The following DDAH1 variants were observed in gnomAD, a reference collection of about 807,000 sequenced individuals.
DDAH1 encodes N(G),N(G)-dimethylarginine dimethylaminohydrolase 1.
In DDAH1, 19 loss-of-function variants were observed where a neutral mutation model predicts 28.8. The ratio of observed to expected loss-of-function variants is 0.66; its 90% confidence interval spans 0.46 to 0.97. The LOEUF (loss-of-function observed/expected upper bound fraction) is 0.97. Among genes scored for constraint, DDAH1 ranks in the 50% least tolerant of loss-of-function variants. DDAH1 has a pLI of 0.00. For missense variants in DDAH1, 326 were observed against 375.9 expected (o/e 0.87, Z 1.10); for synonymous variants, 153 against 154.4 (o/e 0.99, Z 0.07).
intron 1 of DDAH1, among the ~76,000 whole-genome samples, chr1:85,444,418 C>A (rs1654339763): frequency 6.6e-6 from 1 of 152,120 alleles, no homozygotes; most frequent in African/African-American, 2.4e-5. Flanking sequence ...TTTGGTTTGC[C>A]AGTATTTTAT....
At chr1:85,477,366 G>T (rs756370150) in intron 2 of DDAH1, among the ~76,000 whole-genome samples, 1 of 152,052 alleles carries the variant, frequency 6.6e-6, no homozygotes, top group Non-Finnish European at 1.5e-5. Flanking sequence ...ATATGCATCC[G>T]CCCTCAGGCC....
intron 1 of DDAH1, among the ~76,000 whole-genome samples, chr1:85,395,528 T>A (rs941517266): frequency 2.6e-4 from 40 of 152,052 alleles, no homozygotes; most frequent in African/African-American, 9.6e-4. Context: ...CAAAATCAGC[T>A]GGGCGTGGTG....
chr1:85,322,751 G>A (rs1661405390), intron 5 of DDAH1, among the ~76,000 whole-genome samples: 1 of 152,146 alleles, frequency 6.6e-6, no homozygotes, highest in South Asian at 2.1e-4. Context: ...CCTGGCACCG[G>A]GGAAGCCCTC....
intron 1 of DDAH1, among the ~76,000 whole-genome samples, chr1:85,382,024 C>T (rs1275085886): frequency 6.6e-6 from 1 of 152,070 alleles, no homozygotes; most frequent in East Asian, 1.9e-4. Context: ...TCCAAGTGTT[C>T]AAGTGAAAGG....
At chr1:85,329,555 T>G (rs985177305) in intron 4 of DDAH1, among the ~76,000 whole-genome samples, 1 of 152,204 alleles carries the variant, frequency 6.6e-6, no homozygotes, top group Non-Finnish European at 1.5e-5. Flanking sequence ...ACAGTTTCAA[T>G]TTTTCATTAC....
chr1:85,437,396 T>A (rs951542467), intron 1 of DDAH1, among the ~76,000 whole-genome samples: 3 of 152,214 alleles, frequency 2.0e-5, no homozygotes, highest in African/African-American at 7.2e-5. Flanking sequence ...GATCTTCTTC[T>A]GCTTCTGCCA....
chr1:85,563,200 T>C (rs769092259), intron 1 of DDAH1, among the ~76,000 whole-genome samples: 2 of 152,150 alleles, frequency 1.3e-5, no homozygotes, highest in Non-Finnish European at 2.9e-5. Flanking sequence ...GGCAGAGTGC[T>C]GGACAGGAAA....
intron 1 of DDAH1, among the ~76,000 whole-genome samples, chr1:85,512,548 G>A (rs1657284347): frequency 6.6e-6 from 1 of 152,214 alleles, no homozygotes; most frequent in Non-Finnish European, 1.5e-5. Flanking sequence ...TAGGAAAAGA[G>A]GAAGTCAAAT....
chr1:85,348,972 C>T (rs937342671), intron 4 of DDAH1, among the ~76,000 whole-genome samples: 7 of 152,072 alleles, frequency 4.6e-5, no homozygotes, highest in African/African-American at 1.7e-4. Context: ...CAGCTTAAAC[C>T]CTCTCATCTT....
chr1:85,418,125 T>G (rs1026053040), intron 1 of DDAH1, among the ~76,000 whole-genome samples: 1 of 152,236 alleles, frequency 6.6e-6, no homozygotes, highest in Non-Finnish European at 1.5e-5. Context: ...GAACCTCATT[T>G]GCTATTAAGC....
At chr1:85,349,951 A>C (rs1182012719) in intron 4 of DDAH1, among the ~76,000 whole-genome samples, 1 of 152,234 alleles carries the variant, frequency 6.6e-6, no homozygotes, top group Non-Finnish European at 1.5e-5. Flanking sequence ...GCAAATGAAG[A>C]AGTTAAGCTT....
chr1:85,427,663 C>G (rs947343095), intron 1 of DDAH1, among the ~76,000 whole-genome samples: 7 of 152,134 alleles, frequency 4.6e-5, no homozygotes, highest in African/African-American at 1.7e-4. Flanking sequence ...GTCAATTGCT[C>G]TGGGAAAACA....
intron 1 of DDAH1, among the ~76,000 whole-genome samples, chr1:85,440,041 G>C (rs1478228001): frequency 6.6e-6 from 1 of 152,078 alleles, no homozygotes; most frequent in Non-Finnish European, 1.5e-5. Context: ...TGATGATCCA[G>C]GTCAAAACAA....
At chr1:85,506,812 T>C (rs1241559115) in intron 1 of DDAH1, among the ~76,000 whole-genome samples, 1 of 152,092 alleles carries the variant, frequency 6.6e-6, no homozygotes, top group African/African-American at 2.4e-5. Flanking sequence ...ACAACTGATT[T>C]TTAGGAAGGT....
intron 1 of DDAH1, among the ~76,000 whole-genome samples, chr1:85,508,363 A>C (rs1361558393): frequency 6.6e-6 from 1 of 152,252 alleles, no homozygotes; most frequent in African/African-American, 2.4e-5. Context: ...CAAGATGGCC[A>C]AATAGGAACA....
intron 1 of DDAH1, among the ~76,000 whole-genome samples, chr1:85,576,471 G>C (rs555096975): frequency 1.3e-5 from 2 of 152,318 alleles, no homozygotes; most frequent in East Asian, 3.9e-4. Flanking sequence ...GAAACCGAGA[G>C]CCAGCTTTAC....
At chr1:85,562,114 C>A (rs1232231152) in intron 1 of DDAH1, among the ~76,000 whole-genome samples, 1 of 151,834 alleles carries the variant, frequency 6.6e-6, no homozygotes. Flanking sequence ...GTTTGAACCC[C>A]TTCTAATCCC....
rs202190169 is a variant in DDAH1, at chr1:85,358,479, A to G, written c.403+269T>C. ...AGCCTGGCCAACATAGTGAAATCCC[A>G]TCTCTACTGAAATACAAAAATTAGC... On this transcript the variant is annotated intron_variant, in intron 2 of 5. Coordinates refer to ENST00000284031, the MANE Select transcript of DDAH1 (RefSeq NM_012137.4). Among the ~76,000 whole-genome samples, 30 of 151,974 alleles carry G rather than the reference A, an allele frequency of 2.0e-4. No homozygotes were observed. In the East Asian group the frequency reaches 3.5e-3, roughly 18 times the overall value.
intron 5 of DDAH1, among the ~76,000 whole-genome samples, chr1:85,321,823 C>T (rs1185114896): frequency 2.0e-5 from 3 of 152,226 alleles, no homozygotes; most frequent in African/African-American, 7.2e-5. Flanking sequence ...TGCCTTTACT[C>T]TGCCATTGTC....
Sources: allele counts gnomAD v4.1 joint callset (sites outside exome capture counted in the v4.1 genomes callset), GRCh38; gene constraint gnomAD v4.1.1; transcripts MANE v1.5; gene names NCBI Gene and HGNC (gene_info 2026-07-23, HGNC 2026-07-21).